The following TCEANC2 variants were observed in gnomAD, a reference collection of about 807,000 sequenced individuals.
TCEANC2 encodes transcription elongation factor A N-terminal and central domain-containing protein 2.
In TCEANC2, 20 loss-of-function variants were observed where a neutral mutation model predicts 22.8. The observed-to-expected ratio is 0.88, with a 90% CI of 0.62 to 1.28. TCEANC2 has a LOEUF of 1.28. Among genes scored for constraint, TCEANC2 ranks in the 50% most tolerant of loss-of-function variants. The pLI, the probability that TCEANC2 is intolerant of heterozygous loss-of-function variation, is 0.00. For synonymous variants in TCEANC2, 84 were observed against 95.5 expected (o/e 0.88, Z 0.70); for missense variants, 251 against 249.7 (o/e 1.01, Z -0.03).
At chr1:54,056,287 C>A (rs1657750206) in intron 2 of TCEANC2, among the ~76,000 whole-genome samples, 1 of 151,970 alleles carries the variant, frequency 6.6e-6, no homozygotes, top group Admixed American at 6.6e-5. Context: ...CACCTACAAA[C>A]ACCCATATTC....
chr1:54,109,662 C>A (rs1658811109), downstream of TCEANC2, among the ~76,000 whole-genome samples: 1 of 152,204 alleles, frequency 6.6e-6, no homozygotes. Context: ...CCAGCAGAGT[C>A]TGGTACAGAT....
chr1:54,104,919 G>A lies in TCEANC2; in HGVS notation c.*8446G>A. 1 of 237,984 alleles carries A rather than the reference G, an allele frequency of 4.2e-6. No individual in the cohort carries two copies. Among genetic ancestry groups the A allele is most frequent in the Non-Finnish European group, 8.8e-6 (1 of 113,982 alleles). The allele number at this position is 237,984 out of a possible 1,614,324, so 14.7% of individuals were successfully genotyped here. ...GCAGGATATGCTGACTTCAGGCTCA[G>A]CCCCCTCAGGGCTGAGGGTCTAAAT... is the stretch of plus-strand genomic sequence containing the variant. On this transcript the variant is annotated 3_prime_UTR_variant, in exon 5 of 5. Transcript: ENST00000234827.
intron 3 of TCEANC2, among the ~76,000 whole-genome samples, chr1:54,084,944 G>T (rs1036023321): frequency 3.3e-5 from 5 of 152,048 alleles, no homozygotes; most frequent in Non-Finnish European, 5.9e-5. Context: ...AGTATCCAGG[G>T]GTGCTTTGTG....
chr1:54,065,025 A>C (rs1657923809), intron 2 of TCEANC2, among the ~76,000 whole-genome samples: 1 of 152,082 alleles, frequency 6.6e-6, no homozygotes. Context: ...ATTTAGTTCT[A>C]GGAAGTCAGT....
rs1233846035 is a variant in TCEANC2 at position 54,101,278 on chromosome 1, A to G, written c.*4805A>G. 6.6e-6 allele frequency: 1 copy of G among 152,242 alleles called. No homozygotes were observed. The highest frequency in any genetic ancestry group is 6.5e-5 in the Admixed American group (1 of 15,288). 9.4% of individuals were successfully genotyped at this position (152,242 alleles called of 1,614,324 possible). On this transcript the variant is annotated 3_prime_UTR_variant, in exon 5 of 5. Coordinates refer to ENST00000234827, the MANE Select transcript of TCEANC2 (RefSeq NM_153035.3). Reference sequence around the variant, plus strand: ...CCATTATTGCAAGGGAAGGGAGTCCATCCAGAAAACAAAGCTTTGGGAGTT... The same window carrying G: ...CCATTATTGCAAGGGAAGGGAGTCCGTCCAGAAAACAAAGCTTTGGGAGTT...
In TCEANC2 at chr1:54,077,246, G is replaced by A. The variant is rs1023094; in HGVS notation, c.244+8349G>A. 1.4e-3 allele frequency among the ~76,000 whole-genome samples: 218 copies of A among 152,146 alleles called. 1 individual carries two copies. The highest frequency in any genetic ancestry group is 4.9e-3 in the African/African-American group (205 of 41,458). ...CACTGGCTCGCTCTTTCTGCTTTCA[G>A]ACAAGCACAAATCTTCCCCTTTAAT... On this transcript the variant is annotated intron_variant, in intron 3 of 4. Coordinates refer to ENST00000234827, the MANE Select transcript of TCEANC2 (RefSeq NM_153035.3).
intron 3 of TCEANC2, among the ~76,000 whole-genome samples, chr1:54,084,017 C>G (rs924469262): frequency 7.5e-6 from 1 of 133,950 alleles, no homozygotes; most frequent in Admixed American, 8.3e-5. Flanking sequence ...AGTGTTTTGT[C>G]GGGTTTTTTT....
At position 54,104,666 on chromosome 1, in the gene TCEANC2, C is replaced by T. The variant is rs762555984; in HGVS notation, c.*8193C>T. On this transcript the variant is annotated 3_prime_UTR_variant, in exon 5 of 5. Transcript: ENST00000234827. ...AAGCTATTCTCCTGCCTCAGCCTCCCGAGTAACTGGGATTACAGGCATGTG... is the reference window on the plus strand; with the variant it reads ...AAGCTATTCTCCTGCCTCAGCCTCCTGAGTAACTGGGATTACAGGCATGTG... The T allele has an allele frequency of 1.3e-4, 55 of 424,516 alleles. 2 individuals carry two copies. In the Middle Eastern group the frequency reaches 2.2e-3, roughly 17 times the overall value. 26.3% of individuals were successfully genotyped at this position (424,516 alleles called of 1,614,324 possible).
At chr1:54,086,047 A>G (rs1404130226) in intron 3 of TCEANC2, among the ~76,000 whole-genome samples, 1 of 152,066 alleles carries the variant, frequency 6.6e-6, no homozygotes, top group Non-Finnish European at 1.5e-5. Flanking sequence ...TACTTTCTAT[A>G]TTGGCATTTT....
chr1:54,084,098 T>A (rs1487661113), intron 3 of TCEANC2, among the ~76,000 whole-genome samples: 2 of 151,946 alleles, frequency 1.3e-5, no homozygotes, highest in Non-Finnish European at 2.9e-5. Context: ...CTGCAACCTC[T>A]GCCTCCAAGG....
Position 54,104,542 on chromosome 1 carries a change from T to A in TCEANC2, c.*8069T>A, listed in dbSNP as rs1399543287. On this transcript the variant is annotated 3_prime_UTR_variant, in exon 5 of 5. Coordinates refer to ENST00000234827, the MANE Select transcript of TCEANC2 (RefSeq NM_153035.3). ...ACTTCTTGGTATTCCTTTGCCCAAT[T>A]TTTTTTTCTTTTTCTTTTTCAGAGG... The A allele has an allele frequency of 2.2e-6, 1 of 453,610 alleles. No homozygotes were observed. Among genetic ancestry groups the A allele is most frequent in the Admixed American group, 2.4e-5 (1 of 42,096 alleles). 28.1% of individuals were successfully genotyped at this position (453,610 alleles called of 1,614,324 possible).
At chr1:54,107,348 A>C (rs1658774162), downstream of TCEANC2, among the ~76,000 whole-genome samples, 1 of 152,224 alleles carries the variant, frequency 6.6e-6, no homozygotes, top group Non-Finnish European at 1.5e-5. Context: ...AGCAGGGGGC[A>C]CATGGCTTCC....
chr1:54,084,283 G>C (rs966722464), intron 3 of TCEANC2, among the ~76,000 whole-genome samples: 1 of 152,030 alleles, frequency 6.6e-6, no homozygotes, highest in Non-Finnish European at 1.5e-5. Flanking sequence ...AAAGTGCTGG[G>C]GTTACAGACG....
At chr1:54,112,203 AAC>A (rs1297665747) in exon 5 of TCEANC2, 1 of 151,812 alleles carries the variant, frequency 6.6e-6, no homozygotes, top group Non-Finnish European at 1.5e-5. Flanking sequence ...CAACAACAAC[AAC>A]AACAACAACA....
At chr1:54,072,620 C>T (rs1022201051) in intron 3 of TCEANC2, among the ~76,000 whole-genome samples, 1 of 152,164 alleles carries the variant, frequency 6.6e-6, no homozygotes, top group East Asian at 1.9e-4. Context: ...TGGTCTCGAT[C>T]TCTTGACCTC....
intron 3 of TCEANC2, among the ~76,000 whole-genome samples, chr1:54,073,545 T>A (rs191617440): frequency 7.2e-5 from 11 of 152,208 alleles, no homozygotes; most frequent in Admixed American, 3.9e-4. Context: ...AACTTTTTTG[T>A]TGGGGTTAGG....
chr1:54,058,854 A>G (rs1261014237), intron 2 of TCEANC2, among the ~76,000 whole-genome samples: 1 of 151,988 alleles, frequency 6.6e-6, no homozygotes, highest in African/African-American at 2.4e-5. Context: ...ACGGGGTTTC[A>G]CTATTTTGGC....
chr1:54,081,332 G>A (rs1010240423), intron 3 of TCEANC2, among the ~76,000 whole-genome samples: 5 of 152,112 alleles, frequency 3.3e-5, no homozygotes, highest in Admixed American at 1.3e-4. Flanking sequence ...GGGCACACAC[G>A]ATCCTCTTGC....
Position 54,088,759 on chromosome 1 carries a change from A to C in TCEANC2, c.407A>C (p.Gln136Pro), listed in dbSNP as rs1658386215. ...ACCGAGTCGTTGAGGAAAAATGCTCAGAAATTACTCTCAGAAGCCTTGGAA... is the reference window on the plus strand; with the variant it reads ...ACCGAGTCGTTGAGGAAAAATGCTCCGAAATTACTCTCAGAAGCCTTGGAA... ...PKTESLRKNA[Q>P]KLLSEALELK... is the part of the protein sequence containing the mutation. Residue 136 changes from glutamine (Q) to proline (P), a missense_variant, in exon 4 of 5, where the codon CAG (glutamine) becomes CCG (proline). Physicochemically the swap from Gln to Pro is moderately conservative, Grantham distance 76. Coordinates refer to ENST00000234827, the MANE Select transcript of TCEANC2 (RefSeq NM_153035.3). 1.9e-6 allele frequency: 3 copies of C among 1,598,992 alleles called. No homozygotes were observed. The highest frequency in any genetic ancestry group is 3.5e-5 in the Admixed American group (2 of 57,862).
Sources: gnomAD v4.1 joint callset for allele counts (sites outside exome capture counted in the v4.1 genomes callset) on GRCh38, gnomAD v4.1.1 for gene constraint, MANE v1.5 for transcripts, NCBI Gene and HGNC (gene_info 2026-07-23, HGNC 2026-07-21) for gene names.